MN1: variants seen among roughly 807,000 people sequenced by gnomAD.
MN1 encodes the protein MN1 proto-oncogene, transcriptional regulator.
In MN1, 19 loss-of-function variants were observed where a neutral mutation model predicts 86.9. That is an observed-to-expected ratio of 0.22 (90% CI 0.15 to 0.32). The LOEUF is 0.32. MN1 is among the 10% of genes least tolerant of loss of function. The probability of loss-of-function intolerance (pLI) is 1.00; values close to 1 mark genes in which losing one functional copy is unlikely to be tolerated. For missense variants in MN1, 1,841 were observed against 1,862.0 expected (o/e 0.99, Z 0.21); for synonymous variants, 928 against 849.6 (o/e 1.09, Z -1.60).
In MN1 at chr22:27,797,452, C is replaced by A. The variant is rs1441952942; in HGVS notation, c.3092G>T (p.Gly1031Val). The A allele has an allele frequency of 1.2e-6, 2 of 1,604,472 alleles. No individual in the cohort carries two copies. The highest frequency in any genetic ancestry group is 1.7e-6 in the Non-Finnish European group (2 of 1,175,674). ...QPDLIGSLDG[G>V]AKSDSSSPNV... The stretch of plus-strand genomic sequence containing the variant: ...TGGCGAACTACTGTCCGACTTGGCC[C>A]CGCCGTCCAGGGACCCAATGAGGTC... Residue 1031 changes from glycine to valine, a missense_variant, in exon 1 of 2, where the codon GGG becomes GTG. Gly to Val is a moderately radical substitution (Grantham distance 109). Coordinates refer to ENST00000302326, the MANE Select transcript of MN1 (RefSeq NM_002430.3).
chr22:27,752,227 C>T (rs1932771926), intron 1 of MN1, among the ~76,000 whole-genome samples: 1 of 152,180 alleles, frequency 6.6e-6, no homozygotes, highest in South Asian at 2.1e-4. Flanking sequence ...CATGCACCTC[C>T]TTATGATGGC....
At position 27,750,418 on chromosome 22, in the gene MN1, T is replaced by C. The variant is rs1932753514; in HGVS notation, c.*497A>G. On this transcript the variant is annotated 3_prime_UTR_variant, in exon 2 of 2. Transcript: ENST00000302326. ...ATTCCAGAACTACTATTCTCCAGGATTTCCATTTTAATAAGCAGTGAACAA... is the reference window on the plus strand; with the variant it reads ...ATTCCAGAACTACTATTCTCCAGGACTTCCATTTTAATAAGCAGTGAACAA... 4.3e-6 allele frequency: 1 copy of C among 230,216 alleles called. No individual in the cohort carries two copies. The highest frequency in any genetic ancestry group is 5.7e-5 in the Admixed American group (1 of 17,676). 14.3% of individuals were successfully genotyped at this position (230,216 alleles called of 1,614,324 possible).
At chr22:27,775,924 G>C (rs559032534) in intron 1 of MN1, among the ~76,000 whole-genome samples, 1 of 151,356 alleles carries the variant, frequency 6.6e-6, no homozygotes, top group Non-Finnish European at 1.5e-5. Context: ...ACTCCCAGCC[G>C]CACTTGCATT....
intron 1 of MN1, among the ~76,000 whole-genome samples, chr22:27,795,232 A>G (rs1254160204): frequency 1.3e-5 from 2 of 151,598 alleles, no homozygotes; most frequent in Non-Finnish European, 2.9e-5. Context: ...CTGGGCAGTA[A>G]CCGCGGAACA....
Position 27,798,238 on chromosome 22 carries a change from G to A in MN1, c.2306C>T (p.Ala769Val). The A allele has an allele frequency of 6.6e-7, 1 of 1,514,410 alleles. No homozygotes were observed. Among genetic ancestry groups the A allele is most frequent in the Non-Finnish European group, 8.8e-7 (1 of 1,141,440 alleles). The allele number at this position is 1,514,410 out of a possible 1,614,324, so 93.8% of individuals were successfully genotyped here. A position where few individuals can be genotyped will look rare whatever the true frequency, so the allele number is the denominator to read the frequency against. Residue 769 changes from alanine (A) to valine (V), a missense_variant, in exon 1 of 2, where the codon GCG (alanine) becomes GTG (valine). Coordinates refer to ENST00000302326, the MANE Select transcript of MN1 (RefSeq NM_002430.3). ...SGPGVNSPPS[A>V]GGGGGSSGGG... ...ACCAGAGCTGCCACCGCCCCCTCCC[G>A]CGCTGGGGGGCGAGTTCACGCCTGG...
In MN1 at chr22:27,798,272, G is replaced by A. The variant is rs1269244143; in HGVS notation, c.2272C>T (p.His758Tyr). The change falls in exon 1 of 2, where the codon CAC (histidine) becomes TAC (tyrosine). Residue 758 changes from histidine to tyrosine, a missense_variant. By Grantham distance (83) the His-to-Tyr change is moderately conservative (BLOSUM62 2). Coordinates refer to ENST00000302326, the MANE Select transcript of MN1 (RefSeq NM_002430.3). ...GGCGAGTTCACGCCTGGACCGCTGT[G>A]CGGCGTGGACTGCCGGCCGGCTGCA... ...FGAAGRQSTP[H>Y]SGPGVNSPPS... 6.5e-7 allele frequency: 1 copy of A among 1,530,096 alleles called. No homozygotes were observed. The highest frequency in any genetic ancestry group is 8.7e-7 in the Non-Finnish European group (1 of 1,149,238). 94.8% of individuals were successfully genotyped at this position (1,530,096 alleles called of 1,614,324 possible). A position where few individuals can be genotyped will look rare whatever the true frequency, so the allele number is the denominator to read the frequency against.
At position 27,779,392 on chromosome 22, in the gene MN1, C is replaced by A. The variant is rs997426750; in HGVS notation, c.3781+17371G>T. Among the ~76,000 whole-genome samples, 41 of 152,204 alleles carry A rather than the reference C, an allele frequency of 2.7e-4. 2 individuals carry two copies. Among genetic ancestry groups the A allele is most frequent in the Admixed American group, 6.5e-5 (1 of 15,292 alleles). ...CCGGCCCCCAGGCTAGGGGTTCGAA[C>A]CACTGTCCCGTCACCTGTGGGGAAC... On this transcript the variant is annotated intron_variant, in intron 1 of 1. Transcript: ENST00000302326.
At chr22:27,755,286 C>T (rs552598933) in intron 1 of MN1, among the ~76,000 whole-genome samples, 32 of 152,274 alleles carry the variant, frequency 2.1e-4, no homozygotes, top group East Asian at 7.7e-4. Context: ...GGAGACCTCA[C>T]GAGAGACTGG....
rs140987101 is a variant in MN1, at chr22:27,797,610, C to T, written c.2934G>A (p.Gln978=). ...SGGAPGVSPG[Q]QQASGAAVGG... Reference sequence around the variant, plus strand: ...CGACGGCTGCGCCTGACGCTTGCTGCTGCCCTGGGCTCACCCCAGGTGCGC... The same window carrying T: ...CGACGGCTGCGCCTGACGCTTGCTGTTGCCCTGGGCTCACCCCAGGTGCGC... The change falls in exon 1 of 2, where the codon CAG becomes CAA. Residue 978 remains glutamine (Q), a synonymous_variant. Transcript: ENST00000302326. 153 of 1,590,864 alleles carry T rather than the reference C, an allele frequency of 9.6e-5. No individual in the cohort carries two copies. The East Asian group carries it at 3.0e-3, about 32-fold the overall frequency.
chr22:27,773,634 C>T (rs1211829231), intron 1 of MN1, among the ~76,000 whole-genome samples: 1 of 152,188 alleles, frequency 6.6e-6, no homozygotes, highest in Non-Finnish European at 1.5e-5. Context: ...AAACCCTAGG[C>T]CCCAAACATC....
In MN1 at chr22:27,797,369, C is replaced by CCTCGTCCTCATTGGCGTA. The variant is rs780831597; in HGVS notation, c.3157_3174dup (p.Tyr1053_Glu1058dup). The CCTCGTCCTCATTGGCGTA allele has an allele frequency of 3.7e-6, 6 of 1,610,622 alleles. No individual in the cohort carries two copies. The highest frequency in any genetic ancestry group is 5.1e-6 in the Non-Finnish European group (6 of 1,179,936). On this transcript the variant is annotated inframe_insertion, in exon 1 of 2. Transcript: ENST00000302326. Reference sequence around the variant, plus strand: ...TGGGGGTTGTCAGAGCTGGACGACACCTCGTCCTCATTGGCGTAGCTCGTG... The same window carrying CCTCGTCCTCATTGGCGTA: ...TGGGGGTTGTCAGAGCTGGACGACACCTCGTCCTCATTGGCGTACTCGTCCTCATTGGCGTAGCTCGTG...
At chr22:27,786,539 C>T (rs1210185804) in intron 1 of MN1, among the ~76,000 whole-genome samples, 1 of 151,620 alleles carries the variant, frequency 6.6e-6, no homozygotes, top group African/African-American at 2.4e-5. Context: ...AACTGTCCAC[C>T]CATGTGCAGA....
intron 1 of MN1, among the ~76,000 whole-genome samples, chr22:27,762,925 G>A (rs191107496): frequency 1.2e-3 from 175 of 152,072 alleles, no homozygotes; most frequent in African/African-American, 4.0e-3. Flanking sequence ...ATAACAGGAC[G>A]CTGTCTCAAA....
At chr22:27,783,628 G>T (rs1275181240) in intron 1 of MN1, among the ~76,000 whole-genome samples, 2 of 152,206 alleles carry the variant, frequency 1.3e-5, no homozygotes, top group Non-Finnish European at 2.9e-5. Flanking sequence ...CCTTGGCCAA[G>T]TTGCCTGCCC....
In MN1 at chr22:27,798,063, C is replaced by A. The variant is rs1401995673; in HGVS notation, c.2481G>T (p.Ala827=). 1.9e-6 allele frequency: 3 copies of A among 1,611,100 alleles called. No homozygotes were observed. Among genetic ancestry groups the A allele is most frequent in the South Asian group, 1.1e-5 (1 of 91,010 alleles). ...DNLFGQSCLA[A]LSTACQNMIA... ...TCATGTTCTGGCAAGCGGTGGAGAG[C>A]GCAGCCAGGCAGCTCTGGCCGAACA... Residue 827 remains alanine, a synonymous_variant, in exon 1 of 2, where the codon GCG becomes GCT. Coordinates refer to ENST00000302326, the MANE Select transcript of MN1 (RefSeq NM_002430.3).
chr22:27,760,285 C>T (rs1289651849), intron 1 of MN1, among the ~76,000 whole-genome samples: 1 of 151,796 alleles, frequency 6.6e-6, no homozygotes, highest in African/African-American at 2.4e-5. Flanking sequence ...GCAGAGCTTG[C>T]AGTGAGCCGA....
Position 27,797,227 on chromosome 22 carries a change from C to T in MN1, c.3317G>A (p.Gly1106Asp), listed in dbSNP as rs1307124885. ...GGTCGAGGTAGAGTTAGACATGATG[C>T]CCAGGCCGAGGGCGGGCGGGGGCGC... ...PKAPPPALGL[G>D]IMSNSTSTPD... The change falls in exon 1 of 2, where the codon GGC becomes GAC. Residue 1106 changes from glycine (G) to aspartate (D), a missense_variant. Coordinates refer to ENST00000302326, the MANE Select transcript of MN1 (RefSeq NM_002430.3). 3 of 1,563,676 alleles carry T rather than the reference C, an allele frequency of 1.9e-6. No individual in the cohort carries two copies. Among genetic ancestry groups the T allele is most frequent in the Non-Finnish European group, 2.6e-6 (3 of 1,160,818 alleles).
chr22:27,796,939 C>T lies in MN1; in HGVS notation c.3605G>A (p.Cys1202Tyr). The T allele has an allele frequency of 6.2e-7, 1 of 1,612,552 alleles. No homozygotes were observed. Reference sequence around the variant, plus strand: ...GGCGCTCTTGACCGCCTCGGAGCAGCAGCTGCCCAGCTCGCTGTCGCCATT... The same window carrying T: ...GGCGCTCTTGACCGCCTCGGAGCAGTAGCTGCCCAGCTCGCTGTCGCCATT... ...AQNGDSELGS[C>Y]CSEAVKSAMS... Residue 1202 changes from cysteine to tyrosine, a missense_variant, in exon 1 of 2, where the codon TGC becomes TAC. Transcript: ENST00000302326.
chr22:27,798,639 C>T lies in MN1; in HGVS notation c.1905G>A (p.Pro635=). The T allele has an allele frequency of 1.3e-6, 2 of 1,560,262 alleles. No individual in the cohort carries two copies. Among genetic ancestry groups the T allele is most frequent in the Non-Finnish European group, 8.6e-7 (1 of 1,161,700 alleles). Residue 635 remains proline (P), a synonymous_variant, in exon 1 of 2, where the codon CCG becomes CCA. Coordinates refer to ENST00000302326, the MANE Select transcript of MN1 (RefSeq NM_002430.3). ...LAQESAWFSG[P]HPPPGDLLPR... ...GCAGCAGGTCTCCGGGCGGCGGATG[C>T]GGACCTGAGAACCACGCGCTCTCTT...
Sources: gnomAD v4.1 joint callset for allele counts (sites outside exome capture counted in the v4.1 genomes callset) on GRCh38, gnomAD v4.1.1 for gene constraint, MANE v1.5 for transcripts, NCBI Gene and HGNC (gene_info 2026-07-23, HGNC 2026-07-21) for gene names.